Variants in LRMDA observed in about 807,000 individuals in gnomAD.
LRMDA encodes the protein leucine-rich melanocyte differentiation-associated protein.
A neutral mutation model predicts 29.8 loss-of-function variants in LRMDA; 18 were observed. That is an observed-to-expected ratio of 0.60 (90% CI 0.42 to 0.90). The LOEUF (loss-of-function observed/expected upper bound fraction) is 0.90. Among genes scored for constraint, LRMDA ranks in the 40% least tolerant of loss-of-function variants. LRMDA has a pLI of 0.00. For synonymous variants in LRMDA, 125 were observed against 109.4 expected (o/e 1.14, Z -0.89); for missense variants, 273 against 273.9 (o/e 1.00, Z 0.02).
At chr10:76,180,973 G>A (rs1281269999) in intron 5 of LRMDA, among the ~76,000 whole-genome samples, 4 of 152,124 alleles carry the variant, frequency 2.6e-5, no homozygotes, top group Admixed American at 1.3e-4. Flanking sequence ...ACTCTGGGTC[G>A]ATGCTTGGGC....
chr10:75,870,318 A>T (rs1001140205), intron 2 of LRMDA, among the ~76,000 whole-genome samples: 7 of 152,198 alleles, frequency 4.6e-5, no homozygotes, highest in African/African-American at 1.7e-4. Context: ...CAGAGACCAG[A>T]TGGCTCTTTG....
chr10:75,872,008 C>T (rs960955944), intron 2 of LRMDA, among the ~76,000 whole-genome samples: 8 of 152,142 alleles, frequency 5.3e-5, no homozygotes, highest in Non-Finnish European at 1.5e-5. Context: ...TGAGGCATTC[C>T]TCCTCCTCAT....
chr10:75,855,774 T>C (rs1177347096), intron 2 of LRMDA, among the ~76,000 whole-genome samples: 1 of 152,356 alleles, frequency 6.6e-6, no homozygotes, highest in Non-Finnish European at 1.5e-5. Context: ...GTTTCAGCTT[T>C]CTACATATGG....
chr10:75,962,169 G>C (rs1384800396), intron 2 of LRMDA, among the ~76,000 whole-genome samples: 1 of 152,178 alleles, frequency 6.6e-6, no homozygotes, highest in Non-Finnish European at 1.5e-5. Flanking sequence ...ATGAATTTCA[G>C]GGAGACATGA....
chr10:76,143,319 G>C (rs957631029), intron 5 of LRMDA, among the ~76,000 whole-genome samples: 13 of 152,194 alleles, frequency 8.5e-5, no homozygotes, highest in Admixed American at 2.6e-4. Flanking sequence ...CAGTGTAAAA[G>C]TGTTCCTATT....
At chr10:76,160,042 G>C (rs1850615294) in intron 5 of LRMDA, among the ~76,000 whole-genome samples, 1 of 152,088 alleles carries the variant, frequency 6.6e-6, no homozygotes. Context: ...ATAACGATGG[G>C]TTGATGTAGG....
At position 76,036,077 on chromosome 10, in the gene LRMDA, C is replaced by T. The variant is rs759100032; in HGVS notation, c.201C>T (p.Asp67=). The change falls in exon 3 of 7, where the codon GAC becomes GAT. Residue 67 remains aspartate, a synonymous_variant. Transcript: ENST00000611255. ...ELILDNNQLG[D]DLVLPGLPRL... ...TCTTGGACAACAATCAGCTGGGGGACGACCTTGTGTTGCCAGGGTTACCCA... is the reference window on the plus strand; with the variant it reads ...TCTTGGACAACAATCAGCTGGGGGATGACCTTGTGTTGCCAGGGTTACCCA... 3 of 1,613,956 alleles carry T rather than the reference C, an allele frequency of 1.9e-6. No homozygotes were observed. The highest frequency in any genetic ancestry group is 2.2e-5 in the South Asian group (2 of 91,076).
chr10:76,226,086 A>G (rs1211788514), intron 5 of LRMDA, among the ~76,000 whole-genome samples: 1 of 152,096 alleles, frequency 6.6e-6, no homozygotes, highest in East Asian at 1.9e-4. Context: ...ATAGTATTCC[A>G]TGGTGTATAT....
At chr10:75,999,372 C>T (rs544406397) in intron 2 of LRMDA, among the ~76,000 whole-genome samples, 3 of 152,226 alleles carry the variant, frequency 2.0e-5, no homozygotes, top group South Asian at 2.1e-4. Context: ...CAAAAATAAG[C>T]TTTGTCATAA....
chr10:75,516,551 G>GT (rs942903230), intron 2 of LRMDA, among the ~76,000 whole-genome samples: 8 of 151,728 alleles, frequency 5.3e-5, no homozygotes, highest in African/African-American at 1.7e-4. Context: ...TGATGGGGTT[G>GT]TTTTTTTTCT....
intron 5 of LRMDA, among the ~76,000 whole-genome samples, chr10:76,131,589 G>A (rs1279043411): frequency 6.6e-6 from 1 of 151,512 alleles, no homozygotes; most frequent in East Asian, 1.9e-4. Flanking sequence ...TACTGTCTGT[G>A]TATTGGGGCC....
Position 75,677,966 on chromosome 10 carries a change from T to A in LRMDA, c.131+239472T>A, listed in dbSNP as rs534604420. Reference sequence around the variant, plus strand: ...ATTGGATGGTAAAGATTCAGTGTCATGTAGCTACTGAAATCCTTGTTGTAA... The same window carrying A: ...ATTGGATGGTAAAGATTCAGTGTCAAGTAGCTACTGAAATCCTTGTTGTAA... On this transcript the variant is annotated intron_variant, in intron 2 of 6. Transcript: ENST00000611255. Among the ~76,000 whole-genome samples the A allele has an allele frequency of 4.6e-5, 7 of 152,326 alleles. No homozygotes were observed. The South Asian group carries it at 1.5e-3, about 32-fold the overall frequency.
At chr10:75,481,548 T>C (rs1053025895) in intron 2 of LRMDA, among the ~76,000 whole-genome samples, 1 of 152,200 alleles carries the variant, frequency 6.6e-6, no homozygotes, top group Non-Finnish European at 1.5e-5. Context: ...TCAACAACCA[T>C]GTTAGTCCAA....
At chr10:75,483,190 A>G (rs7086719) in intron 2 of LRMDA, among the ~76,000 whole-genome samples, 126,117 of 152,110 alleles carry the variant, frequency 0.83, 52,546 homozygotes, top group Admixed American at 0.87. Context: ...CAGGCAATCC[A>G]CCCGCCTCAG....
rs138454973 is a variant in LRMDA, at chr10:75,541,328, C to T, written c.131+102834C>T. 1.5e-3 allele frequency among the ~76,000 whole-genome samples: 228 copies of T among 151,880 alleles called. 2 individuals carry two copies. Among genetic ancestry groups the T allele is most frequent in the African/African-American group, 5.1e-3 (210 of 41,424 alleles). ...TAAAAGCAAACTAAAAACAGGTCAC[C>T]GTTTTGCCTCTAATGTTATGGGAAT... On this transcript the variant is annotated intron_variant, in intron 2 of 6. Coordinates refer to ENST00000611255, the MANE Select transcript of LRMDA (RefSeq NM_001305581.2).
At position 75,599,143 on chromosome 10, in the gene LRMDA, G is replaced by A. The variant is rs920454045; in HGVS notation, c.131+160649G>A. ...TTCCATCTAGCCATTACCGGCTGGC[G>A]TTCACGGCCTCTGAGCCTCTGAGCT... On this transcript the variant is annotated intron_variant, in intron 2 of 6. Transcript: ENST00000611255. Among the ~76,000 whole-genome samples the A allele has an allele frequency of 3.4e-5, 5 of 146,324 alleles. No homozygotes were observed. The South Asian group carries it at 6.2e-4, about 18-fold the overall frequency.
At chr10:76,149,898 G>T (rs2132163761) in intron 5 of LRMDA, among the ~76,000 whole-genome samples, 1 of 152,308 alleles carries the variant, frequency 6.6e-6, no homozygotes, top group East Asian at 1.9e-4. Context: ...AACAGAGCCT[G>T]TGGGAATGGG....
chr10:76,516,929 A>G (rs763966456), intron 6 of LRMDA, among the ~76,000 whole-genome samples: 2 of 152,214 alleles, frequency 1.3e-5, no homozygotes, highest in Admixed American at 6.5e-5. Flanking sequence ...AAAATATCCA[A>G]GTAAAACTTT....
rs1157158209 is a variant in LRMDA at position 75,740,683 on chromosome 10, C to T, written c.132-295325C>T. 2.0e-5 allele frequency among the ~76,000 whole-genome samples: 3 copies of T among 152,152 alleles called. No individual in the cohort carries two copies. The East Asian group carries it at 5.8e-4, about 29-fold the overall frequency. On this transcript the variant is annotated intron_variant, in intron 2 of 6. Transcript: ENST00000611255. ...TATTCTTCAAATATCAGGCTCATGGCATTTCAGCTAAGAATCCCAACATCT... is the reference window on the plus strand; with the variant it reads ...TATTCTTCAAATATCAGGCTCATGGTATTTCAGCTAAGAATCCCAACATCT...
Sources: allele counts gnomAD v4.1 joint callset (sites outside exome capture counted in the v4.1 genomes callset), GRCh38; gene constraint gnomAD v4.1.1; transcripts MANE v1.5; gene names NCBI Gene and HGNC (gene_info 2026-07-23, HGNC 2026-07-21).